Variants in SGCZ observed in about 807,000 individuals in gnomAD.
SGCZ encodes the protein sarcoglycan zeta.
A neutral mutation model predicts 41.3 loss-of-function variants in SGCZ; 40 were observed. That is an observed-to-expected ratio of 0.97 (90% CI 0.75 to 1.26). The LOEUF (loss-of-function observed/expected upper bound fraction) is 1.26, where lower values mean the gene tolerates loss of function less well. Ranked by LOEUF, SGCZ falls within the 50% of genes most tolerant of loss-of-function variation. The pLI is 0.00. For missense variants in SGCZ, 552 were observed against 369.8 expected (o/e 1.49, Z -4.04); for synonymous variants, 206 against 137.5 (o/e 1.50, Z -3.49).
At position 15,185,825 on chromosome 8, in the gene SGCZ, G is replaced by C. The variant is rs558837793; in HGVS notation, c.39+51760C>G. 3.3e-5 allele frequency among the ~76,000 whole-genome samples: 5 copies of C among 152,150 alleles called. No individual in the cohort carries two copies. In the South Asian group the frequency reaches 8.3e-4, roughly 25 times the overall value. On this transcript the variant is annotated intron_variant, in intron 1 of 7. Coordinates refer to ENST00000382080, the MANE Select transcript of SGCZ (RefSeq NM_139167.4). ...GATCATTTCTGGCTACTATAACTTT[G>C]TATGTAAAATGCATGACTTATGAAT...
intron 1 of SGCZ, among the ~76,000 whole-genome samples, chr8:15,004,839 G>C (rs954930521): frequency 6.6e-6 from 1 of 152,108 alleles, no homozygotes; most frequent in African/African-American, 2.4e-5. Context: ...TGACAATGAG[G>C]GTTCCCAAGT....
intron 1 of SGCZ, among the ~76,000 whole-genome samples, chr8:14,758,667 T>C (rs574267857): frequency 6.6e-6 from 1 of 152,320 alleles, no homozygotes; most frequent in South Asian, 2.1e-4. Context: ...TTCAAATAAC[T>C]ACATTAAAGC....
chr8:14,134,276 T>C (rs1314428366), intron 5 of SGCZ, among the ~76,000 whole-genome samples: 1 of 152,176 alleles, frequency 6.6e-6, no homozygotes, highest in African/African-American at 2.4e-5. Flanking sequence ...TTCCATAAAC[T>C]AGTACCTCAT....
chr8:14,877,278 C>G (rs975274288), intron 1 of SGCZ, among the ~76,000 whole-genome samples: 1 of 152,222 alleles, frequency 6.6e-6, no homozygotes, highest in East Asian at 1.9e-4. Flanking sequence ...AAGCCAGAGC[C>G]TTTATTATGT....
At chr8:14,857,968 T>C (rs1337449617) in intron 1 of SGCZ, among the ~76,000 whole-genome samples, 1 of 152,170 alleles carries the variant, frequency 6.6e-6, no homozygotes, top group South Asian at 2.1e-4. Context: ...TCAAAAATAC[T>C]TATTTTCAGA....
At chr8:14,238,044 G>C (rs540178992) in intron 3 of SGCZ, among the ~76,000 whole-genome samples, 30 of 152,314 alleles carry the variant, frequency 2.0e-4, no homozygotes, top group African/African-American at 6.5e-4. Context: ...CCCTTTTTAA[G>C]TTTAAGTTGC....
At chr8:15,185,587 C>G (rs1015088684) in intron 1 of SGCZ, among the ~76,000 whole-genome samples, 11 of 152,026 alleles carry the variant, frequency 7.2e-5, no homozygotes, top group Non-Finnish European at 1.3e-4. Context: ...TCAAGAAGGG[C>G]AAATGAGAAG....
At chr8:14,349,806 G>C (rs1350424691) in intron 2 of SGCZ, among the ~76,000 whole-genome samples, 1 of 151,956 alleles carries the variant, frequency 6.6e-6, no homozygotes, top group African/African-American at 2.4e-5. Flanking sequence ...GTATCTTCTG[G>C]AATAACAGTC....
chr8:14,376,993 G>A (rs1488879947), intron 2 of SGCZ, among the ~76,000 whole-genome samples: 1 of 152,166 alleles, frequency 6.6e-6, no homozygotes, highest in South Asian at 2.1e-4. Context: ...TTGATGAGGT[G>A]AGAGGAACCC....
chr8:14,262,739 T>A (rs956984310), intron 3 of SGCZ, among the ~76,000 whole-genome samples: 1 of 151,304 alleles, frequency 6.6e-6, no homozygotes, highest in Non-Finnish European at 1.5e-5. Flanking sequence ...AGATGTATCG[T>A]GATATATGAG....
At chr8:15,219,060 C>A (rs1585686096) in intron 1 of SGCZ, among the ~76,000 whole-genome samples, 1 of 152,094 alleles carries the variant, frequency 6.6e-6, no homozygotes, top group Non-Finnish European at 1.5e-5. Context: ...GCACTCTCCA[C>A]GATTAGGAAG....
chr8:14,189,241 T>G (rs1190230537), intron 4 of SGCZ, among the ~76,000 whole-genome samples: 1 of 152,140 alleles, frequency 6.6e-6, no homozygotes, highest in African/African-American at 2.4e-5. Context: ...AACTCTGCTT[T>G]CCATCTTGTT....
At chr8:14,241,856 T>C (rs546526114) in intron 3 of SGCZ, among the ~76,000 whole-genome samples, 7 of 152,340 alleles carry the variant, frequency 4.6e-5, no homozygotes, top group South Asian at 4.1e-4. Context: ...TAATGAAATA[T>C]GTTCTTCTCA....
chr8:14,614,282 G>T (rs1031329090), intron 1 of SGCZ, among the ~76,000 whole-genome samples: 2 of 151,942 alleles, frequency 1.3e-5, no homozygotes, highest in African/African-American at 2.4e-5. Flanking sequence ...CAAAATATAA[G>T]AAATAAAAAT....
Position 14,438,004 on chromosome 8 carries a change from T to C in SGCZ, c.235-113800A>G, listed in dbSNP as rs879697057. Among the ~76,000 whole-genome samples, 7 of 152,064 alleles carry C rather than the reference T, an allele frequency of 4.6e-5. No homozygotes were observed. In the South Asian group the frequency reaches 8.3e-4, roughly 18 times the overall value. On this transcript the variant is annotated intron_variant, in intron 2 of 7. Coordinates refer to ENST00000382080, the MANE Select transcript of SGCZ (RefSeq NM_139167.4). ...TAGCCTCCGAGAAATTTTATGAGCATTGTAATTTAGAATCATTAAGCCATA... is the reference window on the plus strand; with the variant it reads ...TAGCCTCCGAGAAATTTTATGAGCACTGTAATTTAGAATCATTAAGCCATA...
At chr8:15,111,464 G>A (rs1012239323) in intron 1 of SGCZ, among the ~76,000 whole-genome samples, 4 of 152,136 alleles carry the variant, frequency 2.6e-5, no homozygotes, top group Non-Finnish European at 4.4e-5. Context: ...TCAAGCCACG[G>A]GCCAAATCCT....
intron 1 of SGCZ, among the ~76,000 whole-genome samples, chr8:15,034,237 T>G (rs1019944785): frequency 6.6e-6 from 1 of 152,076 alleles, no homozygotes; most frequent in African/African-American, 2.4e-5. Context: ...AAATAATAAG[T>G]GGCCAAAATA....
intron 2 of SGCZ, among the ~76,000 whole-genome samples, chr8:14,326,639 T>C (rs561927794): frequency 1.9e-4 from 29 of 152,242 alleles, no homozygotes; most frequent in Middle Eastern, 3.4e-3. Context: ...GGAAATGCCT[T>C]ACAGGAAACC....
At chr8:14,108,327 A>G in intron 5 of SGCZ, 92 bp from the exon 6 acceptor site, 1 of 1,173,520 alleles carries the variant, frequency 8.5e-7, no homozygotes, top group Non-Finnish European at 1.3e-6. Context: ...CTTCCAAAAC[A>G]GAGAAAACTT....
Sources: gnomAD v4.1 joint callset for allele counts (sites outside exome capture counted in the v4.1 genomes callset) on GRCh38, gnomAD v4.1.1 for gene constraint, MANE v1.5 for transcripts, NCBI Gene and HGNC (gene_info 2026-07-23, HGNC 2026-07-21) for gene names.